Variants in CDH12 observed in about 807,000 individuals in gnomAD.
CDH12 encodes cadherin 12, also known as cadherin-12.
CDH12 carries 41 observed loss-of-function variants against 74.1 expected under a neutral mutation model. That is an observed-to-expected ratio of 0.55 (90% CI 0.43 to 0.72). The LOEUF (loss-of-function observed/expected upper bound fraction) is 0.72, where lower values mean the gene tolerates loss of function less well. Among genes scored for constraint, CDH12 ranks in the 30% least tolerant of loss-of-function variants. The probability of loss-of-function intolerance (pLI) is 0.00; values close to 1 mark genes in which losing one functional copy is unlikely to be tolerated. For synonymous variants in CDH12, 399 were observed against 355.0 expected, an observed-to-expected ratio of 1.12 and a Z score of -1.39; for missense variants, 945 against 977.2, an observed-to-expected ratio of 0.97 and a Z score of 0.44.
chr5:22,245,332 T>C (rs901248448), intron 3 of CDH12, among the ~76,000 whole-genome samples: 2 of 152,114 alleles, frequency 1.3e-5, no homozygotes, highest in African/African-American at 4.8e-5. Context: ...CTGCAGGTGT[T>C]ATAAAATTTG....
At chr5:22,739,316 A>ATTT (rs371069347) in intron 1 of CDH12, among the ~76,000 whole-genome samples, 65 of 75,174 alleles carry the variant, frequency 8.6e-4, no homozygotes, top group South Asian at 4.4e-3. Flanking sequence ...TAAAAATTTT[A>ATTT]CTTTTTTTTA....
At chr5:21,825,902 C>G (rs1012047566) in intron 8 of CDH12, among the ~76,000 whole-genome samples, 24 of 152,162 alleles carry the variant, frequency 1.6e-4, no homozygotes, top group African/African-American at 4.8e-4. Context: ...AAGTGATTCT[C>G]AAACTTGGTT....
At chr5:21,890,019 T>A (rs1444620634) in intron 6 of CDH12, among the ~76,000 whole-genome samples, 4 of 152,162 alleles carry the variant, frequency 2.6e-5, no homozygotes, top group Admixed American at 2.6e-4. Flanking sequence ...CAAAGGTTCA[T>A]TCTATGTTTC....
At chr5:21,777,078 ACT>A (rs971022595) in intron 11 of CDH12, among the ~76,000 whole-genome samples, 2 of 152,200 alleles carry the variant, frequency 1.3e-5, no homozygotes, top group Non-Finnish European at 2.9e-5. Flanking sequence ...TCAAATTGTC[ACT>A]CTGATTAATT....
In CDH12 at chr5:22,115,210, A is replaced by G. The variant is rs532159180; in HGVS notation, c.-186-36348T>C. The stretch of plus-strand genomic sequence containing the variant: ...TATCTCCCAGGACTGCCTTTTATAT[A>G]CAGACTGTGGAGCGCTATGCATTTT... On this transcript the variant is annotated intron_variant, in intron 4 of 14. Coordinates refer to ENST00000382254, the MANE Select transcript of CDH12 (RefSeq NM_004061.5). Among the ~76,000 whole-genome samples, 27 of 152,314 alleles carry G rather than the reference A, an allele frequency of 1.8e-4. No homozygotes were observed. The South Asian group carries it at 5.6e-3, about 32-fold the overall frequency.
At chr5:22,350,319 A>G (rs1045639156) in intron 3 of CDH12, among the ~76,000 whole-genome samples, 1 of 152,154 alleles carries the variant, frequency 6.6e-6, no homozygotes, top group Non-Finnish European at 1.5e-5. Context: ...GGTTTTTTTC[A>G]GTTTAAACTC....
intron 4 of CDH12, among the ~76,000 whole-genome samples, chr5:22,185,872 G>A (rs1431701728): frequency 6.6e-6 from 1 of 152,132 alleles, no homozygotes; most frequent in Admixed American, 6.5e-5. Context: ...CGTATGAAAG[G>A]AAGAAAATCC....
At chr5:22,362,446 G>T (rs1386858980) in intron 3 of CDH12, among the ~76,000 whole-genome samples, 12 of 152,276 alleles carry the variant, frequency 7.9e-5, no homozygotes, top group African/African-American at 2.6e-4. Context: ...TGCTAGAGAG[G>T]ATGTGGAGAA....
intron 2 of CDH12, among the ~76,000 whole-genome samples, chr5:22,422,408 T>G (rs1054693393): frequency 1.3e-4 from 20 of 152,180 alleles, no homozygotes; most frequent in Non-Finnish European, 2.2e-4. Flanking sequence ...TTGCATATGT[T>G]GAACCAGGCT....
chr5:22,422,170 T>C (rs1467396296), intron 2 of CDH12, among the ~76,000 whole-genome samples: 1 of 152,182 alleles, frequency 6.6e-6, no homozygotes, highest in Non-Finnish European at 1.5e-5. Flanking sequence ...TCAAGGGGAA[T>C]GCTTCCAGCT....
At chr5:21,837,263 G>T (rs183363219) in intron 8 of CDH12, among the ~76,000 whole-genome samples, 3 of 151,954 alleles carry the variant, frequency 2.0e-5, no homozygotes, top group Admixed American at 2.0e-4. Context: ...TGATATCTCA[G>T]AAACTATATA....
intron 5 of CDH12, among the ~76,000 whole-genome samples, chr5:22,072,194 C>T (rs1464891228): frequency 2.6e-5 from 4 of 151,980 alleles, no homozygotes; most frequent in South Asian, 2.1e-4. Flanking sequence ...AATCCTCAAA[C>T]GAGGCATTTT....
chr5:22,652,086 T>C (rs1461861801), intron 1 of CDH12, among the ~76,000 whole-genome samples: 5 of 152,096 alleles, frequency 3.3e-5, no homozygotes, highest in Non-Finnish European at 7.4e-5. Flanking sequence ...ATAGTAACCA[T>C]GAAATGGAAA....
intron 7 of CDH12, among the ~76,000 whole-genome samples, chr5:21,844,654 A>G (rs1379045082): frequency 6.6e-6 from 1 of 152,112 alleles, no homozygotes; most frequent in Non-Finnish European, 1.5e-5. Context: ...AAAAATACAC[A>G]TCTACTCTTA....
At chr5:21,771,879 T>G (rs1745341705) in intron 11 of CDH12, among the ~76,000 whole-genome samples, 1 of 152,196 alleles carries the variant, frequency 6.6e-6, no homozygotes, top group African/African-American at 2.4e-5. Context: ...CTATCTGTCG[T>G]GTCATGTGAT....
intron 1 of CDH12, among the ~76,000 whole-genome samples, chr5:22,704,139 A>G (rs2126963825): frequency 6.6e-6 from 1 of 152,154 alleles, no homozygotes; most frequent in African/African-American, 2.4e-5. Context: ...TTTCACAGAC[A>G]ATTAAATTGT....
intron 5 of CDH12, among the ~76,000 whole-genome samples, chr5:22,023,975 A>G (rs1738171150): frequency 1.3e-5 from 2 of 152,156 alleles, no homozygotes; most frequent in Non-Finnish European, 2.9e-5. Context: ...AAAAGCAGTC[A>G]CATGGCCCCA....
intron 3 of CDH12, among the ~76,000 whole-genome samples, chr5:22,231,013 T>C (rs1024147099): frequency 1.3e-5 from 2 of 152,200 alleles, no homozygotes; most frequent in African/African-American, 4.8e-5. Context: ...TAAATTGCAA[T>C]GTGCACAGAA....
At chr5:22,108,643 A>AG (rs544083504) in intron 4 of CDH12, among the ~76,000 whole-genome samples, 41 of 152,352 alleles carry the variant, frequency 2.7e-4, no homozygotes, top group African/African-American at 8.2e-4. Context: ...TCTGACAGAG[A>AG]GAAAAAAGTA....
Sources: allele counts gnomAD v4.1 joint callset (sites outside exome capture counted in the v4.1 genomes callset), GRCh38; gene constraint gnomAD v4.1.1; transcripts MANE v1.5; gene names NCBI Gene and HGNC (gene_info 2026-07-23, HGNC 2026-07-21).